STIM2: variants seen among roughly 807,000 people sequenced by gnomAD.
STIM2 encodes the protein stromal interaction molecule 2.
STIM2 carries 31 observed loss-of-function variants against 85.8 expected under a neutral mutation model. The ratio of observed to expected loss-of-function variants is 0.36; its 90% confidence interval spans 0.27 to 0.49. STIM2 has a LOEUF of 0.49. Ranked by LOEUF, STIM2 falls within the 20% of genes least tolerant of loss-of-function variation. The pLI is 0.98. For synonymous variants in STIM2, 356 were observed against 331.1 expected (o/e 1.08, Z -0.82); for missense variants, 841 against 927.6 (o/e 0.91, Z 1.21).
In STIM2 at chr4:27,022,600, G is replaced by T; in HGVS notation, c.1845G>T (p.Glu615Asp). 6.2e-7 allele frequency: 1 copy of T among 1,613,960 alleles called. No individual in the cohort carries two copies. Among genetic ancestry groups the T allele is most frequent in the African/African-American group, 1.3e-5 (1 of 75,044 alleles). The change falls in exon 12 of 12, where the codon GAG (glutamate) becomes GAT (aspartate). Residue 615 changes from glutamate (E) to aspartate (D), a missense_variant. Glu to Asp is a conservative substitution (Grantham distance 45). Transcript: ENST00000467087. ...AACAGTCTCCTCCTTTAAGCCTCGA[G>T]ATATACCAAACATTATCTCCGCGAA...
chr4:26,904,737 A>G (rs1167485945), intron 1 of STIM2, among the ~76,000 whole-genome samples: 1 of 151,780 alleles, frequency 6.6e-6, no homozygotes, highest in Non-Finnish European at 1.5e-5. Context: ...GAAGTAGTGA[A>G]GTGGGGTTGA....
intron 3 of STIM2, among the ~76,000 whole-genome samples, chr4:26,973,087 T>A (rs573231539): frequency 3.9e-5 from 6 of 152,208 alleles, no homozygotes; most frequent in Non-Finnish European, 7.3e-5. Context: ...GGTAGTGATA[T>A]CCCCTTTATC....
intron 1 of STIM2, among the ~76,000 whole-genome samples, chr4:26,865,423 A>C (rs1302803308): frequency 6.6e-6 from 1 of 152,164 alleles, no homozygotes; most frequent in Non-Finnish European, 1.5e-5. Context: ...GCTTCCTTTT[A>C]TGCAAAAGGA....
Position 26,873,809 on chromosome 4 carries a change from A to G in STIM2, c.151+12440A>G, listed in dbSNP as rs1722715666. 6.9e-6 allele frequency: 6 copies of G among 866,188 alleles called. No homozygotes were observed. In the Admixed American group the frequency reaches 7.5e-5, roughly 11 times the overall value. 53.7% of individuals were successfully genotyped at this position (866,188 alleles called of 1,614,324 possible). A position where few individuals can be genotyped will look rare whatever the true frequency, so the allele number is the denominator to read the frequency against. ...TCTGTCAAGGGGTAAGGGGCTCTAC[A>G]AGGCAGACTCCCGCCTCAACCGCCG... On this transcript the variant is annotated intron_variant, in intron 1 of 11. Coordinates refer to ENST00000467087, the MANE Select transcript of STIM2 (RefSeq NM_020860.4).
intron 7 of STIM2, 30 bp downstream of exon 7, chr4:27,003,134 A>AAAGAT: frequency 6.5e-7 from 1 of 1,545,608 alleles, no homozygotes; most frequent in South Asian, 1.3e-5. Flanking sequence ...AATCACTTGT[A>AAAGAT]AAGATGTTAA....
intron 3 of STIM2, among the ~76,000 whole-genome samples, chr4:26,983,576 C>A (rs932747501): frequency 7.9e-5 from 12 of 152,072 alleles, no homozygotes; most frequent in Admixed American, 2.0e-4. Flanking sequence ...ATATTTCTAC[C>A]ATTGGAATTG....
At chr4:26,936,964 T>C (rs1333685446) in intron 2 of STIM2, among the ~76,000 whole-genome samples, 1 of 152,190 alleles carries the variant, frequency 6.6e-6, no homozygotes, top group East Asian at 1.9e-4. Flanking sequence ...AATTTTTATA[T>C]TTTTTGTAGA....
intron 1 of STIM2, among the ~76,000 whole-genome samples, chr4:26,919,208 G>T (rs1724705760): frequency 6.6e-6 from 1 of 151,736 alleles, no homozygotes; most frequent in African/African-American, 2.4e-5. Context: ...AAATATTCAG[G>T]TTGGATAAGA....
chr4:26,906,270 A>G (rs1229190678), intron 1 of STIM2, among the ~76,000 whole-genome samples: 1 of 152,086 alleles, frequency 6.6e-6, no homozygotes, highest in African/African-American at 2.4e-5. Flanking sequence ...CACTGGGTCA[A>G]CTTGAGGGTG....
At chr4:26,898,055 C>T (rs1723776460) in intron 1 of STIM2, among the ~76,000 whole-genome samples, 1 of 152,214 alleles carries the variant, frequency 6.6e-6, no homozygotes, top group Non-Finnish European at 1.5e-5. Context: ...ACATTAGTCA[C>T]TGTGCTTGGT....
At chr4:26,875,756 C>T (rs933983246) in intron 1 of STIM2, among the ~76,000 whole-genome samples, 20 of 152,138 alleles carry the variant, frequency 1.3e-4, no homozygotes, top group African/African-American at 4.8e-4. Flanking sequence ...AAATCTTATA[C>T]TAGCAGAATT....
Position 27,018,044 on chromosome 4 carries a change from G to A in STIM2, c.1763+60G>A, listed in dbSNP as rs577549619. ...GGCTGGGTTGGGGGTAAGGTGTGAG[G>A]AGGGGGCGGGAGGAGTGGTGCATGT... On this transcript the variant is annotated intron_variant, in intron 11 of 11. Transcript: ENST00000467087. The A allele has an allele frequency of 2.2e-5, 35 of 1,575,910 alleles. No individual in the cohort carries two copies. The South Asian group carries it at 3.7e-4, about 17-fold the overall frequency.
chr4:27,022,485 T>C (rs1357179342), intron 11 of STIM2, 34 bp from the exon 12 acceptor site: 1 of 1,524,846 alleles, frequency 6.6e-7, no homozygotes, highest in Non-Finnish European at 8.9e-7. Flanking sequence ...ACATACTGAT[T>C]TAAAATTTGT....
intron 1 of STIM2, among the ~76,000 whole-genome samples, chr4:26,865,019 T>C (rs1042857327): frequency 2.0e-5 from 3 of 152,196 alleles, no homozygotes; most frequent in Non-Finnish European, 2.9e-5. Flanking sequence ...ATGTTAATGT[T>C]TCCATTGTGA....
Position 26,861,389 on chromosome 4 carries a change from C to T in STIM2, c.151+20C>T. On this transcript the variant is annotated intron_variant, in intron 1 of 11. Transcript: ENST00000467087. ...TGACAGGTGAGGGGCCGGGGGGCGG[C>T]GGGCGGGGCTCGGCCGGCAGCGATG... is the stretch of plus-strand genomic sequence containing the variant. 3.1e-6 allele frequency: 4 copies of T among 1,283,566 alleles called. No homozygotes were observed. Among genetic ancestry groups the T allele is most frequent in the East Asian group, 3.2e-5 (1 of 31,444 alleles). The allele number at this position is 1,283,566 out of a possible 1,614,324, so 79.5% of individuals were successfully genotyped here.
At chr4:26,902,169 C>G (rs1337311274) in intron 1 of STIM2, among the ~76,000 whole-genome samples, 1 of 151,986 alleles carries the variant, frequency 6.6e-6, no homozygotes, top group Non-Finnish European at 1.5e-5. Context: ...CGTGGTGGTG[C>G]TAGAGATAGG....
chr4:26,945,195 T>A (rs1249177226), intron 2 of STIM2, among the ~76,000 whole-genome samples: 1 of 152,168 alleles, frequency 6.6e-6, no homozygotes, highest in Admixed American at 6.5e-5. Flanking sequence ...GAACATGCAG[T>A]ATTTGGTTTT....
Position 26,921,076 on chromosome 4 carries a change from A to G in STIM2, c.282+1442A>G, listed in dbSNP as rs192351437. On this transcript the variant is annotated intron_variant, in intron 2 of 11. Transcript: ENST00000467087. ...TCATACTGGAGTTGGGTGGGCCTGT[A>G]ATTCAATATGACTAGTGTTCTGCTA... Among the ~76,000 whole-genome samples, 21 of 152,314 alleles carry G rather than the reference A, an allele frequency of 1.4e-4. No homozygotes were observed. In the East Asian group the frequency reaches 2.9e-3, roughly 21 times the overall value.
chr4:26,933,937 T>G (rs933293143), intron 2 of STIM2, among the ~76,000 whole-genome samples: 4 of 152,166 alleles, frequency 2.6e-5, no homozygotes, highest in African/African-American at 7.2e-5. Context: ...CTCACGCCTG[T>G]AATCCCAGCA....
Sources: allele counts gnomAD v4.1 joint callset (sites outside exome capture counted in the v4.1 genomes callset), GRCh38; gene constraint gnomAD v4.1.1; transcripts MANE v1.5; gene names NCBI Gene and HGNC (gene_info 2026-07-23, HGNC 2026-07-21).